Variants in SESN3 observed in about 807,000 individuals in gnomAD.
The protein encoded by SESN3 is sestrin-3.
Under a neutral mutation model 55.3 loss-of-function variants are expected in SESN3, and 21 were observed. That is an observed-to-expected ratio of 0.38 (90% CI 0.27 to 0.55). The LOEUF is 0.55. Among genes scored for constraint, SESN3 ranks in the 20% least tolerant of loss-of-function variants. The probability of loss-of-function intolerance (pLI) is 0.76; values close to 1 mark genes in which losing one functional copy is unlikely to be tolerated. For missense variants in SESN3, 408 were observed against 604.3 expected (o/e 0.68, Z 3.41); for synonymous variants, 181 against 203.1 (o/e 0.89, Z 0.93).
intron 8 of SESN3, among the ~76,000 whole-genome samples, chr11:95,177,468 A>G (rs947358440): frequency 6.6e-6 from 1 of 152,152 alleles, no homozygotes; most frequent in Non-Finnish European, 1.5e-5. Flanking sequence ...ATTCTATCCT[A>G]TCCCCAATCA....
In SESN3 at chr11:95,167,668, G is replaced by A. The variant is rs1483089670; in HGVS notation, c.*5587C>T. 3 of 152,224 alleles carry A rather than the reference G, an allele frequency of 2.0e-5. No individual in the cohort carries two copies. The highest frequency in any genetic ancestry group is 3.9e-4 in the East Asian group (2 of 5,184). The allele number at this position is 152,224 out of a possible 1,614,324, so 9.4% of individuals were successfully genotyped here. A position where few individuals can be genotyped will look rare whatever the true frequency, so the allele number is the denominator to read the frequency against. On this transcript the variant is annotated 3_prime_UTR_variant, in exon 10 of 10. Coordinates refer to ENST00000536441, the MANE Select transcript of SESN3 (RefSeq NM_144665.4). ...GGCATTTATTGGATACTACTATCAG[G>A]TTGAGTTGTTCATGAATGAGATGGA...
intron 8 of SESN3, 77 bp from the exon 9 acceptor site, chr11:95,175,719 A>G (rs2134214204): frequency 8.4e-7 from 1 of 1,186,214 alleles, no homozygotes; most frequent in Non-Finnish European, 1.2e-6. Flanking sequence ...AAGGACATTT[A>G]TTGTCTAGTA....
At chr11:95,197,072 A>G (rs1860374791) in intron 1 of SESN3, among the ~76,000 whole-genome samples, 1 of 152,234 alleles carries the variant, frequency 6.6e-6, no homozygotes, top group South Asian at 2.1e-4. Context: ...CCAGAAAAGT[A>G]TCAAGGGCAC....
Position 95,230,777 on chromosome 11 carries a change from C to T in SESN3, c.78+6G>A. 5.6e-6 allele frequency: 9 copies of T among 1,604,712 alleles called. No homozygotes were observed. Among genetic ancestry groups the T allele is most frequent in the Non-Finnish European group, 6.8e-6 (8 of 1,176,278 alleles). ...TCGCCGGCAGGACCCCGGGCCGAACCCGTACCTTCCGCAGCACTTTCCGGC... is the reference window on the plus strand; with the variant it reads ...TCGCCGGCAGGACCCCGGGCCGAACTCGTACCTTCCGCAGCACTTTCCGGC... On this transcript the variant is annotated splice_donor_region_variant and intron_variant, in intron 1 of 9. Transcript: ENST00000536441. This position sits in a 1 kb window ranked among gnomAD's most constrained non-coding sequence, Gnocchi z 4.6.
Position 95,210,494 on chromosome 11 carries a change from C to T in SESN3, c.79-16972G>A, listed in dbSNP as rs185524890. On this transcript the variant is annotated intron_variant, in intron 1 of 9. Transcript: ENST00000536441. ...TCTGAAATAAGACGTAACAATGTAA[C>T]ACCAGATATGAATGGATGGAGCTCA... Among the ~76,000 whole-genome samples, 4 of 152,302 alleles carry T rather than the reference C, an allele frequency of 2.6e-5. No individual in the cohort carries two copies. In the East Asian group the frequency reaches 7.7e-4, roughly 29 times the overall value.
chr11:95,183,775 T>TGTG (rs1032334160), intron 6 of SESN3, among the ~76,000 whole-genome samples: 36 of 152,246 alleles, frequency 2.4e-4, no homozygotes, highest in African/African-American at 8.4e-4. Context: ...TCATTTACTA[T>TGTG]GTGGTGTTCA....
intron 1 of SESN3, among the ~76,000 whole-genome samples, chr11:95,224,788 T>C (rs956115780): frequency 2.6e-5 from 4 of 152,230 alleles, no homozygotes; most frequent in African/African-American, 9.6e-5. Context: ...AGGGTCATAC[T>C]ACTCATTTAT....
At chr11:95,178,644 AT>A (rs1860003131) in intron 7 of SESN3, 65 bp downstream of exon 7, 3 of 1,016,668 alleles carry the variant, frequency 3.0e-6, no homozygotes, top group East Asian at 2.4e-5. Flanking sequence ...AATTTTTAAA[AT>A]TTAAACACTT....
At chr11:95,207,142 T>TAGGCACTCCAACCTGGG (rs1565471779) in intron 1 of SESN3, among the ~76,000 whole-genome samples, 1 of 127,630 alleles carries the variant, frequency 7.8e-6, no homozygotes, top group African/African-American at 2.9e-5. Context: ...CACTAGGCAT[T>TAGGCACTCCAACCTGGG]CTAAGTTTAA....
rs995573255 is a variant in SESN3, at chr11:95,177,289, C to A, written c.1247+430G>T. Reference sequence around the variant, plus strand: ...CTTATGTAAGCTTATGAAGGCACAACCTAGTACAGTTTTGTTTATACCGTA... The same window carrying A: ...CTTATGTAAGCTTATGAAGGCACAAACTAGTACAGTTTTGTTTATACCGTA... On this transcript the variant is annotated intron_variant, in intron 8 of 9. Coordinates refer to ENST00000536441, the MANE Select transcript of SESN3 (RefSeq NM_144665.4). 2.6e-5 allele frequency among the ~76,000 whole-genome samples: 4 copies of A among 152,098 alleles called. No individual in the cohort carries two copies. In the East Asian group the frequency reaches 7.7e-4, roughly 29 times the overall value.
intron 1 of SESN3, among the ~76,000 whole-genome samples, chr11:95,209,845 C>T (rs1026415003): frequency 6.7e-6 from 1 of 150,116 alleles, no homozygotes; most frequent in East Asian, 1.9e-4. Flanking sequence ...GGCGAAACCC[C>T]GTCTCTACTA....
chr11:95,217,623 G>C (rs113313109), intron 1 of SESN3, among the ~76,000 whole-genome samples: 2,839 of 146,654 alleles, frequency 0.019, 94 homozygotes, highest in African/African-American at 0.068. Context: ...CTGCACTCCA[G>C]CCTGGGCGAC....
intron 1 of SESN3, among the ~76,000 whole-genome samples, chr11:95,228,307 A>T (rs1345710752): frequency 1.3e-5 from 2 of 152,214 alleles, no homozygotes; most frequent in Non-Finnish European, 2.9e-5. Context: ...TCCCATATAA[A>T]GGTGACCCTT....
chr11:95,180,033 C>A (rs1217174235), intron 6 of SESN3, among the ~76,000 whole-genome samples: 1 of 151,968 alleles, frequency 6.6e-6, no homozygotes, highest in Non-Finnish European at 1.5e-5. Flanking sequence ...CTGATTTTAA[C>A]CATTAAAAGG....
intron 1 of SESN3, among the ~76,000 whole-genome samples, chr11:95,211,936 G>A (rs1317585096): frequency 3.3e-5 from 5 of 152,112 alleles, no homozygotes; most frequent in Admixed American, 1.3e-4. Context: ...TCATTAATTC[G>A]ATATTTTGTT....
intron 1 of SESN3, among the ~76,000 whole-genome samples, chr11:95,227,653 ATGT>A: frequency 6.6e-6 from 1 of 152,334 alleles, no homozygotes; most frequent in African/African-American, 2.4e-5. Flanking sequence ...AAAAGTTTAA[ATGT>A]TAGATCCTCT....
chr11:95,194,357 A>G (rs1223904031), intron 1 of SESN3, among the ~76,000 whole-genome samples: 1 of 152,056 alleles, frequency 6.6e-6, no homozygotes, highest in Non-Finnish European at 1.5e-5. Context: ...ATATCTCTTA[A>G]ATCCTTTACT....
chr11:95,177,936 C>A (rs569503968), intron 7 of SESN3, 27 bp from the exon 8 acceptor site: 2 of 1,430,054 alleles, frequency 1.4e-6, no homozygotes, highest in East Asian at 2.5e-5. Flanking sequence ...TATTTAATTA[C>A]AAAGTGGGCA....
chr11:95,218,647 C>CTT lies in SESN3; in HGVS notation c.78+12134_78+12135dup, dbSNP rs68150878. Among the ~76,000 whole-genome samples the CTT allele has an allele frequency of 4.9e-3, 593 of 122,006 alleles. 4 individuals carry two copies. Among genetic ancestry groups the CTT allele is most frequent in the African/African-American group, 0.014 (467 of 34,116 alleles). The allele number at this position is 122,006 out of a possible 152,430, so 80.0% of individuals were successfully genotyped here. A position where few individuals can be genotyped will look rare whatever the true frequency, so the allele number is the denominator to read the frequency against. On this transcript the variant is annotated intron_variant, in intron 1 of 9. Coordinates refer to ENST00000536441, the MANE Select transcript of SESN3 (RefSeq NM_144665.4). ...ATCTACCTAAACATAGATTTACCCTCTTTTTTTTTTTTTTTTTTTTTGAGA... is the reference window on the plus strand; with the variant it reads ...ATCTACCTAAACATAGATTTACCCTCTTTTTTTTTTTTTTTTTTTTTTTGAGA...
Sources: allele counts gnomAD v4.1 joint callset (sites outside exome capture counted in the v4.1 genomes callset), GRCh38; gene constraint gnomAD v4.1.1; non-coding constraint Gnocchi (gnomAD v3.1); transcripts MANE v1.5; gene names NCBI Gene and HGNC (gene_info 2026-07-23, HGNC 2026-07-21).